KCNIP4: variants seen among roughly 807,000 people sequenced by gnomAD.
KCNIP4 encodes the protein Kv channel-interacting protein 4.
Under a neutral mutation model 34.0 loss-of-function variants are expected in KCNIP4, and 12 were observed. The observed-to-expected ratio is 0.35, with a 90% CI of 0.23 to 0.57. KCNIP4 has a LOEUF of 0.57. KCNIP4 is among the 20% of genes least tolerant of loss of function. The pLI is 0.83. For synonymous variants in KCNIP4, 124 were observed against 102.2 expected (o/e 1.21, Z -1.29); for missense variants, 238 against 311.7 (o/e 0.76, Z 1.78).
intron 1 of KCNIP4, among the ~76,000 whole-genome samples, chr4:21,869,227 T>A (rs1442908738): frequency 6.6e-6 from 1 of 152,074 alleles, no homozygotes; most frequent in African/African-American, 2.4e-5. Flanking sequence ...CCCAGCTAGA[T>A]CCTCATTGCT....
intron 1 of KCNIP4, among the ~76,000 whole-genome samples, chr4:21,236,289 T>C (rs1759353502): frequency 2.0e-5 from 3 of 152,222 alleles, no homozygotes; most frequent in Non-Finnish European, 4.4e-5. Context: ...TAGATGGCAA[T>C]GTGAATTTCA....
At chr4:20,908,106 T>G (rs968209585) in intron 1 of KCNIP4, among the ~76,000 whole-genome samples, 28 of 149,424 alleles carry the variant, frequency 1.9e-4, no homozygotes, top group Admixed American at 1.8e-3. Context: ...TTCTTTTTTT[T>G]TTTTTTTTTT....
At chr4:21,278,885 C>T (rs1386956382) in intron 1 of KCNIP4, among the ~76,000 whole-genome samples, 1 of 152,138 alleles carries the variant, frequency 6.6e-6, no homozygotes, top group Non-Finnish European at 1.5e-5. Context: ...TAAATGCAAT[C>T]GTATGCTATC....
chr4:21,211,045 A>C (rs1022411198), intron 1 of KCNIP4, among the ~76,000 whole-genome samples: 4 of 152,162 alleles, frequency 2.6e-5, no homozygotes, highest in African/African-American at 9.7e-5. Flanking sequence ...AGAGAAACTG[A>C]ATTTGACTTC....
intron 2 of KCNIP4, among the ~76,000 whole-genome samples, chr4:20,875,052 G>A (rs1263226011): frequency 6.6e-6 from 1 of 151,894 alleles, no homozygotes; most frequent in Non-Finnish European, 1.5e-5. Flanking sequence ...AGAGACTTGG[G>A]CACAGTCTCT....
At chr4:21,634,567 A>T (rs576377635) in intron 1 of KCNIP4, among the ~76,000 whole-genome samples, 1 of 152,296 alleles carries the variant, frequency 6.6e-6, no homozygotes, top group African/African-American at 2.4e-5. Flanking sequence ...TAAAGAAAGG[A>T]TGCAGAAATA....
At chr4:20,963,562 A>G (rs1429813628) in intron 1 of KCNIP4, among the ~76,000 whole-genome samples, 1 of 151,590 alleles carries the variant, frequency 6.6e-6, no homozygotes, top group East Asian at 1.9e-4. Flanking sequence ...CTATGGATTA[A>G]AAAAAAAGTA....
chr4:21,434,163 G>A (rs922942485), intron 1 of KCNIP4, among the ~76,000 whole-genome samples: 1 of 152,104 alleles, frequency 6.6e-6, no homozygotes, highest in Non-Finnish European at 1.5e-5. Flanking sequence ...TTAAACCTCA[G>A]CATGACGTTT....
chr4:21,456,269 C>G (rs538646936), intron 1 of KCNIP4, among the ~76,000 whole-genome samples: 1 of 147,650 alleles, frequency 6.8e-6, no homozygotes, highest in African/African-American at 2.6e-5. Context: ...ATTCCTTGCC[C>G]TTTCCAGTTC....
At chr4:21,193,816 C>T (rs1415754680) in intron 1 of KCNIP4, among the ~76,000 whole-genome samples, 1 of 152,112 alleles carries the variant, frequency 6.6e-6, no homozygotes, top group African/African-American at 2.4e-5. Flanking sequence ...CGTGATCCAC[C>T]CACCTCGGCC....
chr4:21,363,937 C>G (rs1451546414), intron 1 of KCNIP4, among the ~76,000 whole-genome samples: 11 of 152,042 alleles, frequency 7.2e-5, no homozygotes, highest in Admixed American at 7.2e-4. Context: ...CTCTCGAGTA[C>G]CACTGTGAGC....
intron 1 of KCNIP4, among the ~76,000 whole-genome samples, chr4:21,688,746 C>T (rs530125033): frequency 3.3e-4 from 50 of 152,148 alleles, no homozygotes; most frequent in African/African-American, 1.1e-3. Context: ...CTGCAGCAAT[C>T]GGGTTGTCTG....
At chr4:21,618,433 C>T (rs1744748907) in intron 1 of KCNIP4, among the ~76,000 whole-genome samples, 1 of 151,912 alleles carries the variant, frequency 6.6e-6, no homozygotes, top group South Asian at 2.1e-4. Flanking sequence ...ATTGATGTAG[C>T]AGATAAGCAA....
At chr4:20,943,739 C>G (rs1257877912) in intron 1 of KCNIP4, among the ~76,000 whole-genome samples, 1 of 152,060 alleles carries the variant, frequency 6.6e-6, no homozygotes. Flanking sequence ...CAATGAGAAA[C>G]AGTATTGAGA....
intron 3 of KCNIP4, among the ~76,000 whole-genome samples, chr4:20,825,806 G>T (rs1049262083): frequency 5.9e-5 from 9 of 152,142 alleles, no homozygotes; most frequent in African/African-American, 2.2e-4. Context: ...AGGAACAGAA[G>T]TGCGTAAAGA....
chr4:20,824,104 A>G (rs180732713), intron 3 of KCNIP4, among the ~76,000 whole-genome samples: 228 of 152,236 alleles, frequency 1.5e-3, no homozygotes, highest in Non-Finnish European at 2.7e-3. Flanking sequence ...TATTAACATG[A>G]CATTTGAACA....
intron 5 of KCNIP4, among the ~76,000 whole-genome samples, chr4:20,742,812 A>C (rs1364591895): frequency 1.3e-5 from 2 of 152,124 alleles, no homozygotes; most frequent in African/African-American, 4.8e-5. Flanking sequence ...ATATTTAGAA[A>C]ACCCTGTCGT....
At chr4:20,996,696 T>C (rs183737438) in intron 1 of KCNIP4, among the ~76,000 whole-genome samples, 21 of 152,320 alleles carry the variant, frequency 1.4e-4, no homozygotes, top group Admixed American at 9.8e-4. Flanking sequence ...CACTCCCTGG[T>C]TCCTCTTGAT....
intron 1 of KCNIP4, among the ~76,000 whole-genome samples, chr4:21,339,388 A>T (rs1716506546): frequency 6.6e-6 from 1 of 152,242 alleles, no homozygotes; most frequent in South Asian, 2.1e-4. Context: ...TAGGATATGG[A>T]AAGGCACTTA....
Sources: gnomAD v4.1 joint callset for allele counts (sites outside exome capture counted in the v4.1 genomes callset) on GRCh38, gnomAD v4.1.1 for gene constraint, MANE v1.5 for transcripts, NCBI Gene and HGNC (gene_info 2026-07-23, HGNC 2026-07-21) for gene names.